ROBO1: variants seen among roughly 807,000 people sequenced by gnomAD.
ROBO1 encodes the protein roundabout guidance receptor 1, also known as roundabout homolog 1.
In ROBO1, 149 loss-of-function variants were observed where a neutral mutation model predicts 195.9. The observed-to-expected ratio is 0.76, with a 90% confidence interval of 0.67 to 0.87. The LOEUF is 0.87. ROBO1 is among the 40% of genes least tolerant of loss of function. The probability of loss-of-function intolerance (pLI) is 0.00; values close to 1 mark genes in which losing one functional copy is unlikely to be tolerated. For synonymous variants in ROBO1, 816 were observed against 733.2 expected (o/e 1.11, Z -1.82); for missense variants, 1,933 against 2,068.3 (o/e 0.93, Z 1.27).
At chr3:79,457,747 G>T (rs556163382) in intron 2 of ROBO1, among the ~76,000 whole-genome samples, 1 of 152,108 alleles carries the variant, frequency 6.6e-6, no homozygotes, top group Non-Finnish European at 1.5e-5. Context: ...ACATGACTTT[G>T]TTCCTCCTTT....
intron 2 of ROBO1, among the ~76,000 whole-genome samples, chr3:79,192,338 G>C (rs1290566564): frequency 6.6e-6 from 1 of 151,610 alleles, no homozygotes. Flanking sequence ...CTATATAGTG[G>C]TTCCTGCTTT....
intron 4 of ROBO1, among the ~76,000 whole-genome samples, chr3:78,936,765 C>T (rs2039833602): frequency 6.6e-6 from 1 of 151,894 alleles, no homozygotes; most frequent in African/African-American, 2.4e-5. Flanking sequence ...TAACCAATCG[C>T]CCATGAATCC....
chr3:79,673,954 C>T (rs1160866002), intron 1 of ROBO1, among the ~76,000 whole-genome samples: 4 of 151,952 alleles, frequency 2.6e-5, no homozygotes, highest in African/African-American at 9.7e-5. Flanking sequence ...GCATGTATTA[C>T]CAACCAAATT....
chr3:79,222,965 G>A (rs573641553), intron 2 of ROBO1, among the ~76,000 whole-genome samples: 1 of 152,218 alleles, frequency 6.6e-6, no homozygotes, highest in Non-Finnish European at 1.5e-5. Context: ...CTATCTGTCC[G>A]CAGACTAGTA....
intron 2 of ROBO1, among the ~76,000 whole-genome samples, chr3:79,266,959 C>T (rs563220809): frequency 1.4e-4 from 21 of 151,560 alleles, no homozygotes; most frequent in African/African-American, 4.6e-4. Context: ...CATTATCCTC[C>T]GTTCACTTAT....
intron 4 of ROBO1, among the ~76,000 whole-genome samples, chr3:78,926,279 T>C (rs1214027864): frequency 2.0e-5 from 3 of 152,184 alleles, no homozygotes; most frequent in African/African-American, 7.2e-5. Context: ...TTAGAAGCAA[T>C]TGAGAATCTC....
chr3:79,034,064 A>C (rs2078341352), intron 3 of ROBO1, among the ~76,000 whole-genome samples: 1 of 152,186 alleles, frequency 6.6e-6, no homozygotes, highest in Admixed American at 6.5e-5. Context: ...GATTGTATTC[A>C]CATCTCAAAC....
At chr3:78,696,898 A>T (rs1289168446) in intron 8 of ROBO1, among the ~76,000 whole-genome samples, 1 of 151,962 alleles carries the variant, frequency 6.6e-6, no homozygotes, top group Non-Finnish European at 1.5e-5. Context: ...GCAATTAAAA[A>T]GTATGGCAAT....
intron 3 of ROBO1, 117 bp downstream of exon 3, chr3:79,125,339 T>C (rs569291304): frequency 5.8e-5 from 46 of 787,030 alleles, no homozygotes; most frequent in Non-Finnish European, 9.3e-5. Context: ...AAATGAGAAA[T>C]TGTGGTTGTT....
At chr3:78,816,568 T>C (rs1215900709) in intron 4 of ROBO1, among the ~76,000 whole-genome samples, 1 of 152,136 alleles carries the variant, frequency 6.6e-6, no homozygotes, top group Non-Finnish European at 1.5e-5. Flanking sequence ...TAGAAAACGT[T>C]CTGGAAAGGA....
chr3:78,818,706 G>A (rs183717857), intron 4 of ROBO1, among the ~76,000 whole-genome samples: 6 of 152,318 alleles, frequency 3.9e-5, no homozygotes, highest in African/African-American at 1.4e-4. Context: ...CGGCGAATGA[G>A]CTGGAGCATT....
intron 22 of ROBO1, among the ~76,000 whole-genome samples, chr3:78,638,489 T>A (rs1448390284): frequency 6.6e-6 from 1 of 152,080 alleles, no homozygotes. Context: ...TGGTTCATTA[T>A]AACTATGAAT....
intron 1 of ROBO1, among the ~76,000 whole-genome samples, chr3:79,690,886 T>C (rs1947279399): frequency 6.6e-6 from 1 of 151,852 alleles, no homozygotes; most frequent in South Asian, 2.1e-4. Flanking sequence ...AAGTAAAATA[T>C]CAAAAACTAA....
intron 1 of ROBO1, among the ~76,000 whole-genome samples, chr3:79,596,491 T>A (rs1944174731): frequency 6.6e-6 from 1 of 151,982 alleles, no homozygotes; most frequent in Non-Finnish European, 1.5e-5. Flanking sequence ...TGTACCTAAT[T>A]GAGGTTACAT....
At chr3:79,151,023 T>C (rs1418701365) in intron 2 of ROBO1, among the ~76,000 whole-genome samples, 1 of 151,754 alleles carries the variant, frequency 6.6e-6, no homozygotes. Flanking sequence ...GGGTGGTTTC[T>C]CCGTACTGTT....
chr3:79,654,763 TC>T (rs1946110972), intron 1 of ROBO1, among the ~76,000 whole-genome samples: 1 of 152,052 alleles, frequency 6.6e-6, no homozygotes. Flanking sequence ...GGGTGCATTT[TC>T]TTTTAGCCTC....
intron 2 of ROBO1, among the ~76,000 whole-genome samples, chr3:79,134,034 A>C (rs2080347607): frequency 6.6e-6 from 1 of 150,784 alleles, no homozygotes; most frequent in Non-Finnish European, 1.5e-5. Context: ...AAAATTGACA[A>C]ATGGGATCTA....
In ROBO1 at chr3:79,696,848, C is replaced by T. The variant is rs148411342; in HGVS notation, c.-51+70904G>A. On this transcript the variant is annotated intron_variant, in intron 1 of 30. Coordinates refer to ENST00000464233, the MANE Select transcript of ROBO1 (RefSeq NM_002941.4). ...CCAAGATTATATAAAGTCAATATCA[C>T]CTTCTAATGTATTGACTGGGAAGTT... Among the ~76,000 whole-genome samples, 338 of 151,486 alleles carry T rather than the reference C, an allele frequency of 2.2e-3. 3 individuals are homozygous for T. The highest frequency in any genetic ancestry group is 4.3e-4 in the Non-Finnish European group (29 of 67,632).
chr3:78,757,605 C>A, intron 4 of ROBO1, among the ~76,000 whole-genome samples: 1 of 152,200 alleles, frequency 6.6e-6, no homozygotes, highest in Non-Finnish European at 1.5e-5. Context: ...TTAAAATGAT[C>A]TCATTAAAAC....
Sources: gnomAD v4.1 joint callset for allele counts (sites outside exome capture counted in the v4.1 genomes callset) on GRCh38, gnomAD v4.1.1 for gene constraint, MANE v1.5 for transcripts, NCBI Gene and HGNC (gene_info 2026-07-23, HGNC 2026-07-21) for gene names.